Variants in LSAMP observed in about 807,000 individuals in gnomAD.
LSAMP encodes the protein limbic system-associated membrane protein.
LSAMP carries 7 observed loss-of-function variants against 38.6 expected under a neutral mutation model. That is an observed-to-expected ratio of 0.18 (90% CI 0.10 to 0.34). The LOEUF (loss-of-function observed/expected upper bound fraction) is 0.34. LSAMP is among the 10% of genes least tolerant of loss of function. LSAMP has a pLI of 1.00. For synonymous variants in LSAMP, 154 were observed against 166.8 expected, an observed-to-expected ratio of 0.92 and a Z score of 0.59; for missense variants, 313 against 420.0, an observed-to-expected ratio of 0.75 and a Z score of 2.23.
intron 4 of LSAMP, among the ~76,000 whole-genome samples, chr3:115,846,858 C>T (rs989186178): frequency 2.0e-5 from 3 of 152,084 alleles, no homozygotes; most frequent in Admixed American, 6.5e-5. Flanking sequence ...CAACATGCGG[C>T]GACACAGTGG....
chr3:116,444,787 G>GACAC (rs61173418), intron 1 of LSAMP, 90 bp downstream of exon 1: 79 of 1,202,216 alleles, frequency 6.6e-5, no homozygotes, highest in East Asian at 1.5e-4. Flanking sequence ...AAGGAGATCA[G>GACAC]ACACACACAC....
chr3:116,051,059 G>A (rs1275020826), intron 2 of LSAMP: 1 of 152,144 alleles, frequency 6.6e-6, no homozygotes, highest in Admixed American at 6.5e-5. Flanking sequence ...GGTGGCAGTA[G>A]CAGTGAGGGA....
At chr3:116,014,118 T>C (rs960267042) in intron 3 of LSAMP, among the ~76,000 whole-genome samples, 2 of 152,176 alleles carry the variant, frequency 1.3e-5, no homozygotes, top group Non-Finnish European at 2.9e-5. Flanking sequence ...TTTTTGACTT[T>C]ATGATGGTGT....
chr3:116,283,764 A>G (rs2107684677), intron 1 of LSAMP, among the ~76,000 whole-genome samples: 1 of 152,310 alleles, frequency 6.6e-6, no homozygotes, highest in South Asian at 2.1e-4. Context: ...TTTCCTCCTC[A>G]GTCCTCCTTA....
intron 1 of LSAMP, among the ~76,000 whole-genome samples, chr3:116,165,842 C>T (rs1841532): frequency 0.99 from 151,075 of 152,274 alleles, 74,954 homozygotes; most frequent in Middle Eastern, 1. Context: ...TCCCTGGTTC[C>T]CTGCATAATT....
At chr3:115,939,543 T>TCTTTCTTTCTTC (rs1937827765) in intron 3 of LSAMP, among the ~76,000 whole-genome samples, 1 of 83,244 alleles carries the variant, frequency 1.2e-5, no homozygotes. Flanking sequence ...TTTCTTTCTT[T>TCTTTCTTTCTTC]CTTTCTTTCT....
chr3:115,890,368 T>A (rs1350037147), intron 3 of LSAMP, among the ~76,000 whole-genome samples: 2 of 151,896 alleles, frequency 1.3e-5, no homozygotes, highest in African/African-American at 2.4e-5. Flanking sequence ...CTCTACATGA[T>A]AATCCAACAA....
At chr3:116,403,681 A>T (rs1335551358) in intron 1 of LSAMP, among the ~76,000 whole-genome samples, 1 of 152,178 alleles carries the variant, frequency 6.6e-6, no homozygotes, top group Non-Finnish European at 1.5e-5. Context: ...TTATGCAGTG[A>T]ATGTGTCTCA....
At chr3:116,313,464 C>T (rs146431482) in intron 1 of LSAMP, among the ~76,000 whole-genome samples, 1 of 152,260 alleles carries the variant, frequency 6.6e-6, no homozygotes, top group Non-Finnish European at 1.5e-5. Context: ...AACCCTCATC[C>T]AGTTCTGCCC....
intron 3 of LSAMP, among the ~76,000 whole-genome samples, chr3:115,863,111 G>A (rs1559856539): frequency 6.6e-6 from 1 of 152,174 alleles, no homozygotes; most frequent in Non-Finnish European, 1.5e-5. Context: ...TAAATTTACT[G>A]CCTTTCAGAT....
intron 3 of LSAMP, among the ~76,000 whole-genome samples, chr3:115,981,771 A>C (rs1423370629): frequency 6.6e-6 from 1 of 152,162 alleles, no homozygotes; most frequent in Non-Finnish European, 1.5e-5. Context: ...AAAACAACCA[A>C]ATCCGCACAT....
Position 115,808,193 on chromosome 3 carries a change from CTTCCTTCT to C in LSAMP, c.*2116_*2123del, listed in dbSNP as rs1933689503. 7.4e-6 allele frequency: 1 copy of C among 135,156 alleles called. No homozygotes were observed. The highest frequency in any genetic ancestry group is 1.6e-5 in the Non-Finnish European group (1 of 63,556). The allele number at this position is 135,156 out of a possible 1,614,324, so 8.4% of individuals were successfully genotyped here. ...CCTCCCTGCCTTCCTTCCTTCCTTCCTTCCTTCTTTCCTTTCTTTTTTTCCAGTTACAA... is the reference window on the plus strand; with the variant it reads ...CCTCCCTGCCTTCCTTCCTTCCTTCCTTCCTTTCTTTTTTTCCAGTTACAA... On this transcript the variant is annotated 3_prime_UTR_variant, in exon 7 of 7. Coordinates refer to ENST00000490035, the MANE Select transcript of LSAMP (RefSeq NM_002338.5).
In LSAMP at chr3:116,103,053, CAT is replaced by C. The variant is rs751479626; in HGVS notation, c.156-16499_156-16498del. On this transcript the variant is annotated intron_variant, in intron 1 of 6. Transcript: ENST00000490035. ...GGAAGTTGCTGCTGTAGCTCATCAA[CAT>C]ATGTCCTTATATTTAAAGAATATTG... Among the ~76,000 whole-genome samples the C allele has an allele frequency of 3.9e-5, 6 of 152,258 alleles. No homozygotes were observed. The South Asian group carries it at 8.3e-4, about 21-fold the overall frequency.
chr3:115,941,483 C>T (rs751402326), intron 3 of LSAMP, among the ~76,000 whole-genome samples: 8 of 152,084 alleles, frequency 5.3e-5, no homozygotes, highest in Non-Finnish European at 8.8e-5. Flanking sequence ...GCCATGTTCA[C>T]TGCAGCATTA....
chr3:116,333,658 CTT>C (rs2107744221), intron 1 of LSAMP, among the ~76,000 whole-genome samples: 2 of 151,538 alleles, frequency 1.3e-5, no homozygotes, highest in South Asian at 2.1e-4. Context: ...ATAACACACT[CTT>C]AAATAATCAA....
rs373667725 is a variant in LSAMP, at chr3:116,248,929, C to T, written c.156-162373G>A. 5.2e-4 allele frequency among the ~76,000 whole-genome samples: 79 copies of T among 152,114 alleles called. No individual in the cohort carries two copies. The East Asian group carries it at 0.013, about 25-fold the overall frequency. On this transcript the variant is annotated intron_variant, in intron 1 of 6. Coordinates refer to ENST00000490035, the MANE Select transcript of LSAMP (RefSeq NM_002338.5). Reference sequence around the variant, plus strand: ...TTGGGAGGCTGAGGCAGGCGGATCACGAGGTCAGGAGATCGAGACCATCCT... The same window carrying T: ...TTGGGAGGCTGAGGCAGGCGGATCATGAGGTCAGGAGATCGAGACCATCCT...
At chr3:115,854,250 A>ATATTATTATTAT (rs769267859) in intron 3 of LSAMP, among the ~76,000 whole-genome samples, 4 of 124,262 alleles carry the variant, frequency 3.2e-5, no homozygotes, top group East Asian at 2.3e-4. Flanking sequence ...ATATAGTTAA[A>ATATTATTATTAT]TATTATTATT....
In LSAMP at chr3:116,420,270, G is replaced by C. The variant is rs534401885; in HGVS notation, c.155+24607C>G. On this transcript the variant is annotated intron_variant, in intron 1 of 6. Coordinates refer to ENST00000490035, the MANE Select transcript of LSAMP (RefSeq NM_002338.5). Reference sequence around the variant, plus strand: ...CTGTCACCACGCCTGGCTAATTTTTGAATTTTTAGTAGAGATGGGGTTTCA... The same window carrying C: ...CTGTCACCACGCCTGGCTAATTTTTCAATTTTTAGTAGAGATGGGGTTTCA... 7.2e-5 allele frequency among the ~76,000 whole-genome samples: 11 copies of C among 151,766 alleles called. No individual in the cohort carries two copies. In the South Asian group the frequency reaches 2.3e-3, roughly 32 times the overall value.
rs139246272 is a variant in LSAMP at position 116,414,859 on chromosome 3, G to C, written c.155+30018C>G. 6.9e-3 allele frequency among the ~76,000 whole-genome samples: 1,054 copies of C among 152,060 alleles called. 10 individuals carry two copies. Among genetic ancestry groups the C allele is most frequent in the Middle Eastern group, 0.014 (4 of 294 alleles). On this transcript the variant is annotated intron_variant, in intron 1 of 6. Transcript: ENST00000490035. ...CATTTTTTACCCTCTGCTTTGTATT[G>C]ACCAAATTTTACTAAGGTTTCTCTT...
Sources: allele counts gnomAD v4.1 joint callset (sites outside exome capture counted in the v4.1 genomes callset), GRCh38; gene constraint gnomAD v4.1.1; transcripts MANE v1.5; gene names NCBI Gene and HGNC (gene_info 2026-07-23, HGNC 2026-07-21).